PAX2: variants seen among roughly 807,000 people sequenced by gnomAD.
The protein encoded by PAX2 is paired box 2.
A neutral mutation model predicts 41.7 loss-of-function variants in PAX2; 9 were observed. The ratio of observed to expected loss-of-function variants is 0.22; its 90% CI spans 0.13 to 0.38. The LOEUF (loss-of-function observed/expected upper bound fraction) is 0.38. Ranked by LOEUF, PAX2 falls within the 10% of genes least tolerant of loss-of-function variation. The pLI, the probability that PAX2 is intolerant of heterozygous loss-of-function variation, is 1.00. For missense variants in PAX2, 418 were observed against 531.6 expected (o/e 0.79, Z 2.10); for synonymous variants, 221 against 212.7 (o/e 1.04, Z -0.34).
In PAX2 at chr10:100,793,680, G is replaced by A. The variant is rs2902398; in HGVS notation, c.616+12315G>A. On this transcript the variant is annotated intron_variant, in intron 5 of 9. Coordinates refer to ENST00000355243, the MANE Select transcript of PAX2 (RefSeq NM_000278.5). Reference sequence around the variant, plus strand: ...TTAGGAAATGCCAGGGCCCTAAGGGGCCCCTCAGACAATCCCTCTGTCCTC... The same window carrying A: ...TTAGGAAATGCCAGGGCCCTAAGGGACCCCTCAGACAATCCCTCTGTCCTC... Among the ~76,000 whole-genome samples the A allele has an allele frequency of 2.0e-5, 3 of 152,204 alleles. 1 individual carries two copies. Among genetic ancestry groups the A allele is most frequent in the Admixed American group, 2.0e-4 (3 of 15,286 alleles).
chr10:100,819,849 A>C (rs1299301134), intron 7 of PAX2, among the ~76,000 whole-genome samples: 1 of 152,234 alleles, frequency 6.6e-6, no homozygotes, highest in African/African-American at 2.4e-5. Flanking sequence ...GGGGAGCTGC[A>C]CTTAGATTCT....
chr10:100,754,988 C>A (rs1239330323), intron 3 of PAX2, among the ~76,000 whole-genome samples: 1 of 152,202 alleles, frequency 6.6e-6, no homozygotes, highest in Non-Finnish European at 1.5e-5. Context: ...AGGGAACTCA[C>A]CTTCTGTGGC....
At chr10:100,795,517 T>A (rs923076528) in intron 5 of PAX2, among the ~76,000 whole-genome samples, 2 of 152,252 alleles carry the variant, frequency 1.3e-5, no homozygotes, top group African/African-American at 4.8e-5. Context: ...ATGCCACAAC[T>A]TATTTTTGTG....
At chr10:100,737,670 C>T (rs934926463) in intron 1 of PAX2, among the ~76,000 whole-genome samples, 2 of 152,246 alleles carry the variant, frequency 1.3e-5, no homozygotes, top group Admixed American at 1.3e-4. Flanking sequence ...CCCTTTGCCT[C>T]TTTCTCTTTT....
chr10:100,757,330 C>T (rs1224331498), intron 3 of PAX2, among the ~76,000 whole-genome samples: 2 of 152,182 alleles, frequency 1.3e-5, no homozygotes, highest in African/African-American at 2.4e-5. Flanking sequence ...GGCCACTGGG[C>T]GAAGTGGCAG....
chr10:100,806,287 T>C, intron 5 of PAX2, 143 bp from the exon 6 acceptor site: 1 of 824,300 alleles, frequency 1.2e-6, no homozygotes, highest in Non-Finnish European at 2.0e-6. Flanking sequence ...TCAGCCCCAC[T>C]GGCCCAGGGG....
At chr10:100,742,727 C>A (rs750026191), upstream of PAX2, among the ~76,000 whole-genome samples, 4 of 151,660 alleles carry the variant, frequency 2.6e-5, no homozygotes, top group Non-Finnish European at 4.4e-5. Flanking sequence ...AGAAAAGGTT[C>A]ATTTAGAGGC....
chr10:100,756,328 G>A (rs963916775), intron 3 of PAX2, among the ~76,000 whole-genome samples: 11 of 152,156 alleles, frequency 7.2e-5, no homozygotes, highest in African/African-American at 2.7e-4. Context: ...TCTGCAGGTT[G>A]CCTCTTAATA....
chr10:100,768,070 G>C (rs1041743489), intron 3 of PAX2, among the ~76,000 whole-genome samples: 4 of 147,780 alleles, frequency 2.7e-5, no homozygotes, highest in Non-Finnish European at 5.9e-5. Flanking sequence ...CGTCAATACT[G>C]GTGCATGGAC....
At chr10:100,763,855 C>T (rs1008937051) in intron 3 of PAX2, among the ~76,000 whole-genome samples, 2 of 152,212 alleles carry the variant, frequency 1.3e-5, no homozygotes, top group South Asian at 2.1e-4. Flanking sequence ...GGCTTCCCTA[C>T]TCACTGGCTA....
intron 5 of PAX2, among the ~76,000 whole-genome samples, chr10:100,797,054 A>C (rs574777975): frequency 6.6e-6 from 1 of 152,310 alleles, no homozygotes; most frequent in South Asian, 2.1e-4. Flanking sequence ...TTTCCTTCTA[A>C]AAGGTAAAAT....
chr10:100,752,847 C>A (rs1845491194), intron 3 of PAX2, among the ~76,000 whole-genome samples: 1 of 152,156 alleles, frequency 6.6e-6, no homozygotes, highest in Non-Finnish European at 1.5e-5. Flanking sequence ...GGAAATACTT[C>A]TATCCTGAAA....
chr10:100,768,259 G>C (rs1312223615), intron 3 of PAX2, among the ~76,000 whole-genome samples: 1 of 152,094 alleles, frequency 6.6e-6, no homozygotes, highest in Non-Finnish European at 1.5e-5. Context: ...CAATGCATTG[G>C]AGCAGACCTG....
chr10:100,766,235 G>A (rs1465948724), intron 3 of PAX2, among the ~76,000 whole-genome samples: 2 of 152,180 alleles, frequency 1.3e-5, no homozygotes, highest in African/African-American at 4.8e-5. Flanking sequence ...ATCTCCTGGG[G>A]AACTCTGTAT....
At chr10:100,792,140 T>C (rs1039244503) in intron 5 of PAX2, among the ~76,000 whole-genome samples, 9 of 152,268 alleles carry the variant, frequency 5.9e-5, no homozygotes, top group Non-Finnish European at 1.0e-4. Context: ...GTATTTTTTT[T>C]CCTGGTAATT....
Position 100,824,353 on chromosome 10 carries a change from TACACACACACACACACAC to T in PAX2, c.920-269_920-252del, listed in dbSNP as rs61572589. Reference sequence around the variant, plus strand: ...GCACAGAGACACAGGCAAAGGCAGATACACACACACACACACACACACACACACACACACACACACACA... The same window carrying T: ...GCACAGAGACACAGGCAAAGGCAGATACACACACACACACACACACACACA... On this transcript the variant is annotated intron_variant, in intron 7 of 9. Coordinates refer to ENST00000355243, the MANE Select transcript of PAX2 (RefSeq NM_000278.5). This position sits in a 1 kb window ranked among gnomAD's most constrained non-coding sequence, Gnocchi z 6.6. Among the ~76,000 whole-genome samples the T allele has an allele frequency of 9.6e-5, 13 of 135,574 alleles. No homozygotes were observed. In the South Asian group the frequency reaches 1.3e-3, roughly 14 times the overall value. The allele number at this position is 135,574 out of a possible 152,430, so 88.9% of individuals were successfully genotyped here. A position where few individuals can be genotyped will look rare whatever the true frequency, so the allele number is the denominator to read the frequency against.
chr10:100,781,123 G>T (rs1304084285), intron 4 of PAX2, 123 bp from the exon 5 acceptor site: 1 of 908,176 alleles, frequency 1.1e-6, no homozygotes, highest in Non-Finnish European at 1.9e-6. Flanking sequence ...TGAGAGGAAC[G>T]TGGGCTCCTC....
intron 5 of PAX2, among the ~76,000 whole-genome samples, chr10:100,799,238 C>G (rs527283623): frequency 2.6e-4 from 39 of 152,198 alleles, no homozygotes; most frequent in Non-Finnish European, 5.0e-4. Flanking sequence ...CCACTGGTCC[C>G]CCCACCTCCA....
At chr10:100,762,867 G>A (rs1845886440) in intron 3 of PAX2, among the ~76,000 whole-genome samples, 1 of 152,210 alleles carries the variant, frequency 6.6e-6, no homozygotes, top group Admixed American at 6.5e-5. Context: ...AGTATGCAGA[G>A]GGTGGATTGG....
Sources: gnomAD v4.1 joint callset for allele counts (sites outside exome capture counted in the v4.1 genomes callset) on GRCh38, gnomAD v4.1.1 for gene constraint, Gnocchi (gnomAD v3.1) non-coding constraint, MANE v1.5 for transcripts, NCBI Gene and HGNC (gene_info 2026-07-23, HGNC 2026-07-21) for gene names.